The following ABHD12 variants were observed in gnomAD, a reference collection of about 807,000 sequenced individuals.
The protein encoded by ABHD12 is lysophosphatidylserine lipase ABHD12.
ABHD12 carries 43 observed loss-of-function variants against 58.3 expected under a neutral mutation model. The ratio of observed to expected loss-of-function variants is 0.74; its 90% CI spans 0.58 to 0.95. The LOEUF (loss-of-function observed/expected upper bound fraction) is 0.95, where lower values mean the gene tolerates loss of function less well. ABHD12 is among the 40% of genes least tolerant of loss of function. The pLI is 0.00. For synonymous variants in ABHD12, 219 were observed against 211.2 expected (o/e 1.04, Z -0.32); for missense variants, 539 against 537.2 (o/e 1.00, Z -0.03).
intron 1 of ABHD12, among the ~76,000 whole-genome samples, chr20:25,385,725 C>G (rs191164177): frequency 1.3e-3 from 200 of 152,142 alleles, no homozygotes; most frequent in African/African-American, 4.7e-3. Flanking sequence ...AGAAAGGCAC[C>G]AGGCTTAGAC....
intron 6 of ABHD12, among the ~76,000 whole-genome samples, chr20:25,312,898 C>T: frequency 6.6e-6 from 1 of 151,294 alleles, no homozygotes; most frequent in South Asian, 2.1e-4. Flanking sequence ...CGGAGCCCCT[C>T]CGCCCGGCAG....
intron 2 of ABHD12, among the ~76,000 whole-genome samples, chr20:25,331,218 T>C (rs2089269064): frequency 6.6e-6 from 1 of 152,040 alleles, no homozygotes; most frequent in Non-Finnish European, 1.5e-5. Flanking sequence ...GTATCAGTGA[T>C]GGAAGATGAA....
intron 2 of ABHD12, among the ~76,000 whole-genome samples, chr20:25,330,700 G>A (rs1176883695): frequency 6.6e-6 from 1 of 152,184 alleles, no homozygotes; most frequent in African/African-American, 2.4e-5. Flanking sequence ...CCCAGCAAGG[G>A]CAGACTGACA....
rs553660068 is a variant in ABHD12 at position 25,316,304 on chromosome 20, G to A, written c.573+744C>T. Among the ~76,000 whole-genome samples, 206 of 152,180 alleles carry A rather than the reference G, an allele frequency of 1.4e-3. 1 individual carries two copies. The highest frequency in any genetic ancestry group is 4.8e-3 in the African/African-American group (198 of 41,530). On this transcript the variant is annotated intron_variant, in intron 5 of 12. Coordinates refer to ENST00000339157, the MANE Select transcript of ABHD12 (RefSeq NM_001042472.3). ...CTCCTGAGTAGCTGGGATTACAGGC[G>A]CCCGCCACCACGCCTGGCTAATTTT...
At chr20:25,368,550 C>G (rs2089855577) in intron 1 of ABHD12, 2 of 1,420,098 alleles carry the variant, frequency 1.4e-6, no homozygotes, top group South Asian at 1.1e-5. Flanking sequence ...GACTTGCCAC[C>G]AGTGCCATTA....
chr20:25,332,386 A>C lies in ABHD12; in HGVS notation c.316+6841T>G, dbSNP rs1198310252. Among the ~76,000 whole-genome samples the C allele has an allele frequency of 2.0e-5, 3 of 152,244 alleles. No homozygotes were observed. The East Asian group carries it at 5.8e-4, about 29-fold the overall frequency. On this transcript the variant is annotated intron_variant, in intron 2 of 12. Transcript: ENST00000339157. The stretch of plus-strand genomic sequence containing the variant: ...ACTTTAACAACCCACTGTCAACATT[A>C]GACAGATCAACGAGACAGAAAGTCA...
chr20:25,337,511 C>A (rs1309235298), intron 2 of ABHD12, among the ~76,000 whole-genome samples: 1 of 152,242 alleles, frequency 6.6e-6, no homozygotes, highest in Non-Finnish European at 1.5e-5. Context: ...GGCTGTGTGT[C>A]TACAGTAGCC....
intron 7 of ABHD12, 81 bp downstream of exon 7, chr20:25,309,365 G>A (rs2088806922): frequency 1.9e-6 from 3 of 1,600,644 alleles, no homozygotes; most frequent in Non-Finnish European, 2.6e-6. Flanking sequence ...TGCAGGGATG[G>A]TGGACTCTCT....
At chr20:25,311,387 C>G (rs2088846594) in intron 6 of ABHD12, among the ~76,000 whole-genome samples, 1 of 152,216 alleles carries the variant, frequency 6.6e-6, no homozygotes, top group South Asian at 2.1e-4. Context: ...GAAAGGGCAG[C>G]CAGGCATTCT....
chr20:25,372,247 T>C lies in ABHD12; in HGVS notation c.191+18266A>G, dbSNP rs905377221. On this transcript the variant is annotated intron_variant, in intron 1 of 12. Transcript: ENST00000339157. ...TTTTTTTTTTTTAAGAAACAAGATC[T>C]TACTCTGTCACCTGCGCTTAAGTGC... Among the ~76,000 whole-genome samples the C allele has an allele frequency of 9.9e-5, 15 of 152,148 alleles. 1 individual carries two copies. The highest frequency in any genetic ancestry group is 6.2e-4 in the South Asian group (3 of 4,822).
chr20:25,303,589 A>G lies in ABHD12; in HGVS notation c.990T>C (p.Ala330=). 1.2e-6 allele frequency: 2 copies of G among 1,613,854 alleles called. No homozygotes were observed. The highest frequency in any genetic ancestry group is 1.7e-6 in the Non-Finnish European group (2 of 1,179,986). ...HISCPLLILH[A]EDDPVVPFQL... ...GGAAGGGCACCACCGGGTCGTCCTCAGCGTGCAGGATGAGCAGGGGACAGG... is the reference window on the plus strand; with the variant it reads ...GGAAGGGCACCACCGGGTCGTCCTCGGCGTGCAGGATGAGCAGGGGACAGG... The change falls in exon 11 of 13, where the codon GCT becomes GCC. Residue 330 remains alanine (A), a synonymous_variant. Transcript: ENST00000339157.
intron 1 of ABHD12, among the ~76,000 whole-genome samples, chr20:25,342,273 C>T (rs149335631): frequency 5.2e-4 from 79 of 152,286 alleles, no homozygotes; most frequent in African/African-American, 1.8e-3. Flanking sequence ...CATGCAACCA[C>T]GTAGATGAAT....
intron 4 of ABHD12, 128 bp downstream of exon 4, chr20:25,320,059 CTCATTGCAGTGG>C: frequency 4.2e-6 from 5 of 1,197,854 alleles, no homozygotes; most frequent in Non-Finnish European, 5.9e-6. Flanking sequence ...GAGGCTCTCC[CTCATTGCAGTGG>C]GTCAGTACAC....
In ABHD12 at chr20:25,294,842, T is replaced by G. The variant is rs540926632; in HGVS notation, c.*131A>C. On this transcript the variant is annotated 3_prime_UTR_variant, in exon 13 of 13. Transcript: ENST00000376542. Reference sequence around the variant, plus strand: ...TTGTAAGGTTTGCAGCTCAGGGCAGTTCTTCACCGTTGGCAAAAGTTGAAT... The same window carrying G: ...TTGTAAGGTTTGCAGCTCAGGGCAGGTCTTCACCGTTGGCAAAAGTTGAAT... The G allele has an allele frequency of 7.3e-5, 70 of 964,254 alleles. No individual in the cohort carries two copies. In the African/African-American group the frequency reaches 1.1e-3, roughly 15 times the overall value. 59.7% of individuals were successfully genotyped at this position (964,254 alleles called of 1,614,324 possible).
rs145485129 is a variant in ABHD12 at position 25,353,401 on chromosome 20, T to C, written c.192-14050A>G. Among the ~76,000 whole-genome samples, 25 of 152,232 alleles carry C rather than the reference T, an allele frequency of 1.6e-4. No individual in the cohort carries two copies. In the East Asian group the frequency reaches 3.5e-3, roughly 21 times the overall value. ...AGAATAAGCAAATTTATAAGCAGAA[T>C]ATGTAAATATTTAAGCAGAATATGC... is the stretch of plus-strand genomic sequence containing the variant. On this transcript the variant is annotated intron_variant, in intron 1 of 12. Coordinates refer to ENST00000339157, the MANE Select transcript of ABHD12 (RefSeq NM_001042472.3).
rs1568716329 is a variant in ABHD12, at chr20:25,309,583, GGAGA to G, written c.620-12_620-9del. 3.1e-6 allele frequency: 5 copies of G among 1,614,020 alleles called. No individual in the cohort carries two copies. Among genetic ancestry groups the G allele is most frequent in the Non-Finnish European group, 3.4e-6 (4 of 1,179,938 alleles). ...CCACTGAGTCACCCCAACCTGGGAGGGAGAAACGGCAGGACGGGGAGGTCAAAGG... is the reference window on the plus strand; with the variant it reads ...CCACTGAGTCACCCCAACCTGGGAGGAACGGCAGGACGGGGAGGTCAAAGG... On this transcript the variant is annotated splice_polypyrimidine_tract_variant and intron_variant, in intron 6 of 12. Transcript: ENST00000339157.
At chr20:25,309,699 C>T in intron 6 of ABHD12, 124 bp from the exon 7 acceptor site, 2 of 1,428,406 alleles carry the variant, frequency 1.4e-6, no homozygotes, top group South Asian at 1.3e-5. Flanking sequence ...GCCCACCCTT[C>T]CAGAGTCCAC....
intron 2 of ABHD12, among the ~76,000 whole-genome samples, chr20:25,325,527 CACAGAG>C (rs1419403794): frequency 6.6e-6 from 1 of 152,094 alleles, no homozygotes; most frequent in Non-Finnish European, 1.5e-5. Context: ...GACATTTAGA[CACAGAG>C]ACAGAGGGAA....
downstream of ABHD12, chr20:25,297,332 T>C (rs2145908358): frequency 6.6e-6 from 1 of 152,448 alleles, no homozygotes; most frequent in South Asian, 2.1e-4. Flanking sequence ...AAGCCTTTTC[T>C]TGTTTTAGCA....
Sources: gnomAD v4.1 joint callset for allele counts (sites outside exome capture counted in the v4.1 genomes callset) on GRCh38, gnomAD v4.1.1 for gene constraint, MANE v1.5 for transcripts, NCBI Gene and HGNC (gene_info 2026-07-23, HGNC 2026-07-21) for gene names.